The following C10orf143 variants were observed in gnomAD, a reference collection of about 807,000 sequenced individuals.
The protein encoded by C10orf143 is uncharacterized protein C10orf143.
intron 3 of C10orf143, among the ~76,000 whole-genome samples, chr10:130,055,172 C>G (rs1860781575): frequency 6.6e-6 from 1 of 151,812 alleles, no homozygotes; most frequent in South Asian, 2.1e-4. Context: ...AGAAAAAAAA[C>G]AGAGAGAAGG....
intron 3 of C10orf143, among the ~76,000 whole-genome samples, chr10:130,055,201 G>A (rs1860782053): frequency 6.6e-6 from 1 of 152,172 alleles, no homozygotes; most frequent in South Asian, 2.1e-4. Context: ...CATTGGAATT[G>A]ATTTCATGGA....
At chr10:130,082,565 T>C (rs1861226925) in intron 1 of C10orf143, among the ~76,000 whole-genome samples, 1 of 152,218 alleles carries the variant, frequency 6.6e-6, no homozygotes, top group Non-Finnish European at 1.5e-5. Flanking sequence ...ATAAGGGGCT[T>C]CCCTTTTGCT....
At chr10:130,098,576 G>A (rs1264820615) in intron 1 of C10orf143, among the ~76,000 whole-genome samples, 1 of 152,152 alleles carries the variant, frequency 6.6e-6, no homozygotes, top group Non-Finnish European at 1.5e-5. Context: ...TCACGTGTCA[G>A]TCAACCAAAA....
At chr10:130,077,576 C>A (rs1861139503) in intron 3 of C10orf143, among the ~76,000 whole-genome samples, 1 of 152,218 alleles carries the variant, frequency 6.6e-6, no homozygotes, top group African/African-American at 2.4e-5. Context: ...GGCAGGCCCA[C>A]GTGTAAGCAG....
At chr10:130,097,064 G>A (rs538696228) in intron 1 of C10orf143, among the ~76,000 whole-genome samples, 7 of 151,440 alleles carry the variant, frequency 4.6e-5, no homozygotes, top group African/African-American at 1.5e-4. Context: ...GGGTTCAAGC[G>A]ATTCTCCTGC....
chr10:130,043,704 C>T (rs1366057990), intron 3 of C10orf143, among the ~76,000 whole-genome samples: 1 of 152,224 alleles, frequency 6.6e-6, no homozygotes, highest in African/African-American at 2.4e-5. Flanking sequence ...AGATGTTCTC[C>T]CCGAGGGGTG....
chr10:130,053,558 A>AC (rs932622900), intron 3 of C10orf143, among the ~76,000 whole-genome samples: 3 of 151,896 alleles, frequency 2.0e-5, no homozygotes, highest in African/African-American at 7.3e-5. Context: ...GGCATGTGAG[A>AC]CCCCCACAGG....
At chr10:130,085,708 G>GTATATGAAC (rs1861280593) in intron 1 of C10orf143, among the ~76,000 whole-genome samples, 1 of 152,038 alleles carries the variant, frequency 6.6e-6, no homozygotes, top group African/African-American at 2.4e-5. Context: ...AGTGAAGGAT[G>GTATATGAAC]TATATGAACT....
intron 1 of C10orf143, among the ~76,000 whole-genome samples, chr10:130,086,803 T>C (rs1468529369): frequency 6.6e-6 from 1 of 152,244 alleles, no homozygotes; most frequent in African/African-American, 2.4e-5. Context: ...CATGCATGAA[T>C]ATGAATGAGA....
intron 1 of C10orf143, chr10:130,106,703 G>A: frequency 8.1e-7 from 1 of 1,235,208 alleles, no homozygotes; most frequent in South Asian, 1.2e-5. Context: ...TCACCTTCAG[G>A]AAAGCCAGAA....
In C10orf143 at chr10:130,106,677, C is replaced by T. The variant is rs781440297; in HGVS notation, c.69+4027G>A. ...CAACTGAAGATAGCAATAAAAGATGCTTTGAATGAAAACTCTCACCTTCAG... is the reference window on the plus strand; with the variant it reads ...CAACTGAAGATAGCAATAAAAGATGTTTTGAATGAAAACTCTCACCTTCAG... On this transcript the variant is annotated intron_variant, in intron 1 of 3. Coordinates refer to ENST00000637128, the MANE Select transcript of C10orf143 (RefSeq NM_001355042.2). 2.4e-6 allele frequency: 3 copies of T among 1,237,816 alleles called. No homozygotes were observed. In the South Asian group the frequency reaches 3.6e-5, roughly 15 times the overall value. The allele number at this position is 1,237,816 out of a possible 1,614,324, so 76.7% of individuals were successfully genotyped here. A position where few individuals can be genotyped will look rare whatever the true frequency, so the allele number is the denominator to read the frequency against.
At chr10:130,057,769 T>C (rs1422523558) in intron 3 of C10orf143, among the ~76,000 whole-genome samples, 1 of 152,182 alleles carries the variant, frequency 6.6e-6, no homozygotes, top group African/African-American at 2.4e-5. Flanking sequence ...AAAGTGGCTA[T>C]GAACACCATG....
chr10:130,072,509 C>CT (rs1299684031), intron 3 of C10orf143, among the ~76,000 whole-genome samples: 30 of 152,238 alleles, frequency 2.0e-4, no homozygotes, highest in African/African-American at 6.5e-4. Flanking sequence ...CTAATTCTGT[C>CT]TTTAACTGTG....
intron 3 of C10orf143, among the ~76,000 whole-genome samples, chr10:130,058,817 G>GT (rs1245617432): frequency 5.4e-4 from 80 of 147,906 alleles, no homozygotes; most frequent in South Asian, 3.4e-3. Context: ...CTTTATGTGG[G>GT]TTTTTTTTTT....
intron 1 of C10orf143, among the ~76,000 whole-genome samples, chr10:130,099,087 C>CAA (rs34244340): frequency 6.5e-5 from 5 of 76,352 alleles, no homozygotes; most frequent in African/African-American, 1.8e-4. Flanking sequence ...GACACCATCT[C>CAA]AAAAAAAAAA....
intron 3 of C10orf143, among the ~76,000 whole-genome samples, chr10:130,074,498 T>A (rs1289358002): frequency 4.6e-5 from 7 of 152,064 alleles, no homozygotes; most frequent in African/African-American, 1.7e-4. Context: ...TGCGCATCGA[T>A]CTCTGTTCAT....
intron 1 of C10orf143, among the ~76,000 whole-genome samples, chr10:130,080,642 C>T (rs1237012271): frequency 6.6e-6 from 1 of 152,216 alleles, no homozygotes; most frequent in African/African-American, 2.4e-5. Flanking sequence ...GCCCAAGAGG[C>T]CCCGCTGCTG....
chr10:130,066,909 A>T (rs2134748165), intron 3 of C10orf143: 1 of 152,320 alleles, frequency 6.6e-6, no homozygotes, highest in South Asian at 2.1e-4. Context: ...GACAATTAAA[A>T]TGCCTTGCCT....
chr10:130,107,410 G>GA (rs1439459393), intron 1 of C10orf143: 1 of 1,206,986 alleles, frequency 8.3e-7, no homozygotes, highest in Non-Finnish European at 1.2e-6. Context: ...TTTCCCATGA[G>GA]AAAAAGGCAC....
Sources: allele counts gnomAD v4.1 joint callset (sites outside exome capture counted in the v4.1 genomes callset), GRCh38; gene constraint gnomAD v4.1.1; transcripts MANE v1.5; gene names NCBI Gene and HGNC (gene_info 2026-07-23, HGNC 2026-07-21).